Variants in ABI1 observed in about 807,000 individuals in gnomAD.
The protein encoded by ABI1 is abl interactor 1, also known as Abelson interactor 1.
ABI1 carries 14 observed loss-of-function variants against 54.6 expected under a neutral mutation model. The observed-to-expected ratio is 0.26, with a 90% CI of 0.17 to 0.40. The LOEUF (loss-of-function observed/expected upper bound fraction) is 0.40, where lower values mean the gene tolerates loss of function less well. Among genes scored for constraint, ABI1 ranks in the 10% least tolerant of loss-of-function variants. ABI1 has a pLI of 1.00. For missense variants in ABI1, 443 were observed against 598.3 expected, an observed-to-expected ratio of 0.74 and a Z score of 2.71; for synonymous variants, 194 against 209.3, an observed-to-expected ratio of 0.93 and a Z score of 0.63.
chr10:26,813,254 C>CAA (rs753373576), intron 2 of ABI1, among the ~76,000 whole-genome samples: 32 of 134,880 alleles, frequency 2.4e-4, no homozygotes, highest in East Asian at 1.7e-3. Context: ...ATCCCCCCGC[C>CAA]AAAAAAAAAA....
At chr10:26,857,759 G>A (rs1443594918) in intron 1 of ABI1, among the ~76,000 whole-genome samples, 1 of 150,862 alleles carries the variant, frequency 6.6e-6, no homozygotes, top group Non-Finnish European at 1.5e-5. Flanking sequence ...TGAGGTGGGA[G>A]GACTGCTTGA....
intron 8 of ABI1, among the ~76,000 whole-genome samples, chr10:26,755,975 A>G (rs1486738224): frequency 1.3e-5 from 2 of 152,242 alleles, no homozygotes; most frequent in Non-Finnish European, 2.9e-5. Context: ...TAATTTTATA[A>G]AAGAACAAAT....
At chr10:26,783,615 T>C (rs1842396995) in intron 2 of ABI1, among the ~76,000 whole-genome samples, 1 of 152,172 alleles carries the variant, frequency 6.6e-6, no homozygotes, top group Admixed American at 6.5e-5. Flanking sequence ...ACCCTGACCA[T>C]TCCTAAACAT....
At chr10:26,825,096 G>A (rs1396254115) in intron 1 of ABI1, among the ~76,000 whole-genome samples, 2 of 152,154 alleles carry the variant, frequency 1.3e-5, no homozygotes, top group Non-Finnish European at 2.9e-5. Flanking sequence ...TTTGAAGGTT[G>A]GGGTAGCTGG....
At chr10:26,799,232 A>G (rs995720881) in intron 2 of ABI1, among the ~76,000 whole-genome samples, 2 of 152,006 alleles carry the variant, frequency 1.3e-5, no homozygotes, top group African/African-American at 4.8e-5. Context: ...AAAAACTGCA[A>G]GAATAAAAAA....
intron 1 of ABI1, among the ~76,000 whole-genome samples, chr10:26,836,496 G>A (rs1219525722): frequency 6.6e-6 from 1 of 152,188 alleles, no homozygotes. Context: ...ATTAGTACCT[G>A]TACAAACTAA....
rs535691452 is a variant in ABI1, at chr10:26,849,802, T to C, written c.117+10945A>G. The stretch of plus-strand genomic sequence containing the variant: ...ATTCTTCTAGTGAGATCTGTGTTAA[T>C]ATTAGTGATTGCAATTTTTTCACAT... On this transcript the variant is annotated intron_variant, in intron 1 of 10. Coordinates refer to ENST00000376140, the MANE Select transcript of ABI1 (RefSeq NM_001012750.3). 3.3e-5 allele frequency among the ~76,000 whole-genome samples: 5 copies of C among 152,364 alleles called. No individual in the cohort carries two copies. In the South Asian group the frequency reaches 6.2e-4, roughly 19 times the overall value.
chr10:26,776,227 G>A (rs945457300), intron 3 of ABI1, among the ~76,000 whole-genome samples: 2 of 152,050 alleles, frequency 1.3e-5, no homozygotes, highest in Non-Finnish European at 2.9e-5. Context: ...CTCCTCTCTC[G>A]ACCAGGAACC....
In ABI1 at chr10:26,851,348, AT is replaced by A. The variant is rs397724445; in HGVS notation, c.117+9398del. 6.9e-3 allele frequency among the ~76,000 whole-genome samples: 470 copies of A among 67,780 alleles called. 1 individual carries two copies. Among genetic ancestry groups the A allele is most frequent in the African/African-American group, 0.028 (438 of 15,520 alleles). The allele number at this position is 67,780 out of a possible 152,430, so 44.5% of individuals were successfully genotyped here. On this transcript the variant is annotated intron_variant, in intron 1 of 10. Transcript: ENST00000376140. ...GTAGCTGGGACTACAGACTAAGCTA[AT>A]TTTTTTTTTTTTTTTTTTTTTTTTT...
intron 8 of ABI1, among the ~76,000 whole-genome samples, chr10:26,756,234 A>G (rs943849827): frequency 1.3e-5 from 2 of 152,202 alleles, no homozygotes; most frequent in African/African-American, 4.8e-5. Context: ...TATTTATTTC[A>G]TATATCAATA....
intron 7 of ABI1, among the ~76,000 whole-genome samples, chr10:26,761,661 T>TATATATATATATATATATATAC (rs1375832167): frequency 1.3e-5 from 1 of 78,936 alleles, no homozygotes; most frequent in Non-Finnish European, 2.4e-5. Flanking sequence ...TATATATATA[T>TATATATATATATATATATATAC]ACACACACAC....
At chr10:26,850,406 TC>T (rs1443702956) in intron 1 of ABI1, among the ~76,000 whole-genome samples, 2 of 152,172 alleles carry the variant, frequency 1.3e-5, no homozygotes, top group Non-Finnish European at 2.9e-5. Context: ...ACGCCTGTAA[TC>T]CCAGCACTTT....
chr10:26,839,622 C>A (rs1256823698), intron 1 of ABI1: 6 of 611,898 alleles, frequency 9.8e-6, no homozygotes, highest in Non-Finnish European at 1.7e-5. Flanking sequence ...CCACCCTTAA[C>A]TGACTTGAGA....
chr10:26,771,121 G>T, intron 3 of ABI1, 32 bp from the exon 4 acceptor site: 1 of 1,612,598 alleles, frequency 6.2e-7, no homozygotes, highest in Non-Finnish European at 8.5e-7. Flanking sequence ...GGGGGAAAAA[G>T]TAGACATTAA....
At chr10:26,840,047 A>G (rs570098216) in intron 1 of ABI1, among the ~76,000 whole-genome samples, 2 of 152,136 alleles carry the variant, frequency 1.3e-5, no homozygotes, top group Non-Finnish European at 2.9e-5. Context: ...AATACTAGCA[A>G]AAGTACCTTG....
In ABI1 at chr10:26,857,514, G is replaced by A. The variant is rs535640655; in HGVS notation, c.117+3233C>T. ...AGAAATTAGCTGGGAGTGGTGGTGC[G>A]CACCTGTAGTCCCAGCTACCTGGGG... On this transcript the variant is annotated intron_variant, in intron 1 of 10. Coordinates refer to ENST00000376140, the MANE Select transcript of ABI1 (RefSeq NM_001012750.3). 2.2e-4 allele frequency among the ~76,000 whole-genome samples: 33 copies of A among 151,362 alleles called. No homozygotes were observed. The East Asian group carries it at 2.3e-3, about 11-fold the overall frequency.
intron 1 of ABI1, among the ~76,000 whole-genome samples, chr10:26,845,386 T>C (rs12247684): frequency 0.14 from 21,434 of 152,156 alleles, 1,902 homozygotes; most frequent in African/African-American, 0.25. Flanking sequence ...CTCACACCTA[T>C]AATCGCAGCA....
chr10:26,816,870 A>T (rs577530454), intron 2 of ABI1, among the ~76,000 whole-genome samples: 2 of 152,336 alleles, frequency 1.3e-5, no homozygotes, highest in African/African-American at 4.8e-5. Context: ...TAACCATGCA[A>T]AATAATCACT....
At chr10:26,824,851 G>T (rs2048209002) in intron 1 of ABI1, among the ~76,000 whole-genome samples, 1 of 152,190 alleles carries the variant, frequency 6.6e-6, no homozygotes, top group Admixed American at 6.5e-5. Context: ...AGATACTGCG[G>T]TTTTGGCTAG....
Sources: allele counts gnomAD v4.1 joint callset (sites outside exome capture counted in the v4.1 genomes callset), GRCh38; gene constraint gnomAD v4.1.1; transcripts MANE v1.5; gene names NCBI Gene and HGNC (gene_info 2026-07-23, HGNC 2026-07-21).